Variants in DLGAP2 observed in about 807,000 individuals in gnomAD.
DLGAP2 encodes the protein DLG associated protein 2.
In DLGAP2, 26 loss-of-function variants were observed where a neutral mutation model predicts 100.3. The ratio of observed to expected loss-of-function variants is 0.26; its 90% CI spans 0.19 to 0.36. DLGAP2 has a LOEUF of 0.36. Among genes scored for constraint, DLGAP2 ranks in the 10% least tolerant of loss-of-function variants. DLGAP2 has a pLI of 1.00. For synonymous variants in DLGAP2, 886 were observed against 630.1 expected (o/e 1.41, Z -6.08); for missense variants, 1,858 against 1,453.2 (o/e 1.28, Z -4.53).
chr8:796,791 A>G (rs1206581482), intron 1 of DLGAP2, among the ~76,000 whole-genome samples: 2 of 152,178 alleles, frequency 1.3e-5, no homozygotes, highest in African/African-American at 2.4e-5. Context: ...TTCTGCAGCT[A>G]CATCTCCACT....
intron 2 of DLGAP2, among the ~76,000 whole-genome samples, chr8:1,176,768 G>T (rs1285240019): frequency 6.6e-6 from 1 of 152,118 alleles, no homozygotes. Context: ...ATGGTCACTG[G>T]GTCCCTGTGG....
intron 1 of DLGAP2, among the ~76,000 whole-genome samples, chr8:799,693 C>A (rs1796108508): frequency 6.6e-6 from 1 of 152,200 alleles, no homozygotes; most frequent in South Asian, 2.1e-4. Context: ...AACTCCTAGG[C>A]TCAAGTCATC....
chr8:1,573,036 T>C (rs1408641712), intron 6 of DLGAP2, among the ~76,000 whole-genome samples: 12 of 30,298 alleles, frequency 4.0e-4, no homozygotes, highest in Admixed American at 8.6e-4. Flanking sequence ...ACTGTGGGGG[T>C]GTCTGATGAG....
At chr8:1,653,012 G>C (rs1401590934) in intron 8 of DLGAP2, among the ~76,000 whole-genome samples, 1 of 152,184 alleles carries the variant, frequency 6.6e-6, no homozygotes, top group Non-Finnish European at 1.5e-5. Context: ...ACTGTCATGG[G>C]CCTTTCTCTA....
At chr8:1,306,395 C>T (rs1007149386) in intron 3 of DLGAP2, among the ~76,000 whole-genome samples, 1 of 152,030 alleles carries the variant, frequency 6.6e-6, no homozygotes, top group African/African-American at 2.4e-5. Context: ...AGGAGAGAGG[C>T]TGTACACTGA....
At chr8:1,172,683 T>G (rs1398368336) in intron 2 of DLGAP2, among the ~76,000 whole-genome samples, 2 of 152,320 alleles carry the variant, frequency 1.3e-5, no homozygotes, top group African/African-American at 2.4e-5. Context: ...CATCGGCTCC[T>G]GGGGCTTCTG....
At chr8:1,039,742 C>T (rs1335572948) in intron 2 of DLGAP2, among the ~76,000 whole-genome samples, 1 of 137,752 alleles carries the variant, frequency 7.3e-6, no homozygotes, top group African/African-American at 2.8e-5. Flanking sequence ...CTGTGGTCAG[C>T]TCGGTTTCTG....
rs551085463 is a variant in DLGAP2 at position 1,267,558 on chromosome 8, CAAAATAAAAT to C, written c.106+8698_106+8707del. Among the ~76,000 whole-genome samples the C allele has an allele frequency of 7.1e-4, 45 of 63,122 alleles. 4 individuals carry two copies. The highest frequency in any genetic ancestry group is 3.0e-3 in the South Asian group (8 of 2,668). 41.4% of individuals were successfully genotyped at this position (63,122 alleles called of 152,430 possible). A position where few individuals can be genotyped will look rare whatever the true frequency, so the allele number is the denominator to read the frequency against. ...TGGGAGACAGAGCAAAATTCCCGCT[CAAAATAAAAT>C]AAAATAAAATAAAATAAAATAAGAT... is the stretch of plus-strand genomic sequence containing the variant. On this transcript the variant is annotated intron_variant, in intron 3 of 14. Transcript: ENST00000637795.
At chr8:1,474,770 T>C (rs536022500) in intron 3 of DLGAP2, among the ~76,000 whole-genome samples, 8 of 152,350 alleles carry the variant, frequency 5.3e-5, no homozygotes, top group Non-Finnish European at 1.0e-4. Context: ...GGAATGCTTA[T>C]ACACTGCCAG....
chr8:945,412 A>T (rs1321512491), intron 2 of DLGAP2, among the ~76,000 whole-genome samples: 1 of 152,182 alleles, frequency 6.6e-6, no homozygotes, highest in African/African-American at 2.4e-5. Context: ...TTGACCTTGA[A>T]TACAGGTGTA....
chr8:1,637,784 C>G lies in DLGAP2; in HGVS notation c.1810+4738C>G, dbSNP rs117845670. On this transcript the variant is annotated intron_variant, in intron 8 of 14. Transcript: ENST00000637795. ...GCCCCGAAGGCCTAAAGTCTGGAAA[C>G]AGTTGCAGTTGAAGAGCTCGTCAGC... is the stretch of plus-strand genomic sequence containing the variant. Among the ~76,000 whole-genome samples the G allele has an allele frequency of 1.4e-4, 22 of 152,326 alleles. No homozygotes were observed. The East Asian group carries it at 3.7e-3, about 25-fold the overall frequency.
At chr8:1,043,626 G>A (rs1435712835) in intron 2 of DLGAP2, among the ~76,000 whole-genome samples, 1 of 152,054 alleles carries the variant, frequency 6.6e-6, no homozygotes, top group African/African-American at 2.4e-5. Flanking sequence ...GGGGAAGGGG[G>A]ATGAAGGGGG....
intron 1 of DLGAP2, among the ~76,000 whole-genome samples, chr8:866,352 G>T (rs1002546378): frequency 6.6e-6 from 1 of 152,238 alleles, no homozygotes; most frequent in Non-Finnish European, 1.5e-5. Context: ...TGTGTTGGAA[G>T]TCAGTGCCAG....
chr8:1,494,980 G>A (rs916588720), intron 3 of DLGAP2, among the ~76,000 whole-genome samples: 1 of 152,182 alleles, frequency 6.6e-6, no homozygotes, highest in Non-Finnish European at 1.5e-5. Flanking sequence ...GTGAGGTCCC[G>A]AGATATGCCT....
chr8:795,665 G>GGCGTCCA (rs1563437524), intron 1 of DLGAP2, among the ~76,000 whole-genome samples: 1 of 124,778 alleles, frequency 8.0e-6, no homozygotes, highest in Non-Finnish European at 1.8e-5. Flanking sequence ...AGTGAGAGCA[G>GGCGTCCA]GTGTCCAGTG....
intron 2 of DLGAP2, among the ~76,000 whole-genome samples, chr8:1,013,003 G>C (rs1416451795): frequency 6.6e-6 from 1 of 152,182 alleles, no homozygotes; most frequent in Non-Finnish European, 1.5e-5. Context: ...AGTTGAGACT[G>C]TGGACTAGGA....
chr8:1,163,242 A>G (rs887369278), intron 2 of DLGAP2, among the ~76,000 whole-genome samples: 2 of 152,252 alleles, frequency 1.3e-5, no homozygotes, highest in Admixed American at 1.3e-4. Context: ...CCTCCTCCCA[A>G]TCGCCTCCCT....
At chr8:1,159,884 G>A (rs1796857065) in intron 2 of DLGAP2, among the ~76,000 whole-genome samples, 1 of 152,216 alleles carries the variant, frequency 6.6e-6, no homozygotes, top group African/African-American at 2.4e-5. Context: ...AACCCCTGAA[G>A]GAGGCATGGA....
At chr8:756,909 G>A (rs574189973) in intron 1 of DLGAP2, among the ~76,000 whole-genome samples, 5 of 152,256 alleles carry the variant, frequency 3.3e-5, no homozygotes, top group African/African-American at 4.8e-5. Context: ...TTTCTGTTGC[G>A]TTTTGGCAGA....
Sources: gnomAD v4.1 joint callset for allele counts (sites outside exome capture counted in the v4.1 genomes callset) on GRCh38, gnomAD v4.1.1 for gene constraint, MANE v1.5 for transcripts, NCBI Gene and HGNC (gene_info 2026-07-23, HGNC 2026-07-21) for gene names.